Variants in EYA3 observed in about 807,000 individuals in gnomAD.
EYA3 encodes EYA transcriptional coactivator and phosphatase 3, also known as protein phosphatase EYA3.
Under a neutral mutation model 80.0 loss-of-function variants are expected in EYA3, and 39 were observed. The observed-to-expected ratio is 0.49, with a 90% CI of 0.38 to 0.64. The LOEUF (loss-of-function observed/expected upper bound fraction) is 0.64, where lower values mean the gene tolerates loss of function less well. EYA3 is among the 30% of genes least tolerant of loss of function. The pLI is 0.00. For missense variants in EYA3, 523 were observed against 676.1 expected (o/e 0.77, Z 2.51); for synonymous variants, 206 against 232.8 (o/e 0.88, Z 1.05).
intron 17 of EYA3, 49 bp downstream of exon 17, chr1:27,978,325 C>CCTAGAA (rs1437983914): frequency 7.4e-7 from 1 of 1,358,864 alleles, no homozygotes; most frequent in African/African-American, 1.4e-5. Flanking sequence ...CCATTTTTCT[C>CCTAGAA]ATTACTCGAT....
Position 28,000,699 on chromosome 1 carries a change from C to T in EYA3, c.994-650G>A, listed in dbSNP as rs145136146. Among the ~76,000 whole-genome samples the T allele has an allele frequency of 6.5e-3, 992 of 152,158 alleles. 9 individuals carry two copies. Among genetic ancestry groups the T allele is most frequent in the African/African-American group, 0.022 (912 of 41,518 alleles). On this transcript the variant is annotated intron_variant, in intron 11 of 17. Transcript: ENST00000373871. Reference sequence around the variant, plus strand: ...ATCTCAGCACTTTGGGAGGCTGAGGCGGGAAGATTGCTTAAGGCTAGGAAT... The same window carrying T: ...ATCTCAGCACTTTGGGAGGCTGAGGTGGGAAGATTGCTTAAGGCTAGGAAT...
At chr1:28,073,129 T>TA (rs1449412878) in intron 1 of EYA3, among the ~76,000 whole-genome samples, 4 of 27,192 alleles carry the variant, frequency 1.5e-4, no homozygotes, top group African/African-American at 5.8e-4. Context: ...ATATATATAT[T>TA]TTTTTTTTTT....
At chr1:28,037,931 T>C (rs1254652467) in intron 5 of EYA3, among the ~76,000 whole-genome samples, 1 of 152,220 alleles carries the variant, frequency 6.6e-6, no homozygotes, top group African/African-American at 2.4e-5. Flanking sequence ...TGCACTTGTA[T>C]GTGTCTTTGT....
chr1:28,005,717 A>G (rs1240238799), intron 10 of EYA3, among the ~76,000 whole-genome samples: 3 of 152,014 alleles, frequency 2.0e-5, no homozygotes, highest in Non-Finnish European at 4.4e-5. Context: ...CCTGTCTCAA[A>G]AAAAACCCAA....
intron 13 of EYA3, among the ~76,000 whole-genome samples, chr1:27,995,647 G>A (rs1244084455): frequency 6.6e-6 from 1 of 151,688 alleles, no homozygotes; most frequent in Non-Finnish European, 1.5e-5. Flanking sequence ...GGGGTGGGAG[G>A]ATTGCTTGAG....
chr1:28,046,299 T>C lies in EYA3; in HGVS notation c.77+2084A>G, dbSNP rs540806269. Among the ~76,000 whole-genome samples, 5 of 152,256 alleles carry C rather than the reference T, an allele frequency of 3.3e-5. No individual in the cohort carries two copies. In the South Asian group the frequency reaches 8.3e-4, roughly 25 times the overall value. ...AAATTGCTGAAGGTAAAAGAAGAGA[T>C]AATTGCAGGAAAAGATGAAGGTGAT... On this transcript the variant is annotated intron_variant, in intron 3 of 17. Transcript: ENST00000373871.
At chr1:28,011,872 C>T (rs980425555) in intron 9 of EYA3, among the ~76,000 whole-genome samples, 5 of 151,910 alleles carry the variant, frequency 3.3e-5, no homozygotes, top group African/African-American at 9.7e-5. Flanking sequence ...TTTACTAATG[C>T]GATAAAAACT....
intron 6 of EYA3, among the ~76,000 whole-genome samples, chr1:28,033,174 C>T (rs541227681): frequency 1.5e-3 from 235 of 152,190 alleles, no homozygotes; most frequent in African/African-American, 5.6e-3. Context: ...ACAGGCAGCA[C>T]TAAGATGACA....
At chr1:28,068,295 G>A (rs1173326461) in intron 1 of EYA3, among the ~76,000 whole-genome samples, 2 of 148,680 alleles carry the variant, frequency 1.3e-5, no homozygotes, top group African/African-American at 5.0e-5. Flanking sequence ...TCGCACCACC[G>A]CACTCCAGCC....
intron 5 of EYA3, among the ~76,000 whole-genome samples, chr1:28,038,346 G>A (rs1643567762): frequency 6.8e-6 from 1 of 147,810 alleles, no homozygotes; most frequent in Admixed American, 6.9e-5. Flanking sequence ...TGAGGCAGGA[G>A]AATCACTTGA....
At chr1:28,003,027 T>C (rs1168488543) in intron 11 of EYA3, among the ~76,000 whole-genome samples, 2 of 141,030 alleles carry the variant, frequency 1.4e-5, no homozygotes, top group Non-Finnish European at 3.0e-5. Flanking sequence ...GAGGCCGAGG[T>C]GGGCGGATCA....
chr1:27,983,280 C>T (rs1006128867), intron 16 of EYA3, among the ~76,000 whole-genome samples: 1 of 152,112 alleles, frequency 6.6e-6, no homozygotes, highest in African/African-American at 2.4e-5. Context: ...ATTTGCAGAC[C>T]CCTGCTCTAA....
intron 14 of EYA3, among the ~76,000 whole-genome samples, chr1:27,992,974 C>G (rs1012578304): frequency 6.6e-6 from 1 of 152,102 alleles, no homozygotes; most frequent in Non-Finnish European, 1.5e-5. Flanking sequence ...ATTGATACTA[C>G]CAACCTACAA....
chr1:27,980,997 C>T (rs1013325112), intron 16 of EYA3, among the ~76,000 whole-genome samples: 35 of 152,140 alleles, frequency 2.3e-4, no homozygotes, highest in African/African-American at 8.0e-4. Flanking sequence ...GGGCTATAAT[C>T]GTGCCACTGC....
At chr1:28,079,573 T>C (rs1463874204) in intron 1 of EYA3, among the ~76,000 whole-genome samples, 2 of 152,176 alleles carry the variant, frequency 1.3e-5, no homozygotes, top group African/African-American at 4.8e-5. Flanking sequence ...ATTCTAACGA[T>C]AGAAGCTCAG....
intron 8 of EYA3, among the ~76,000 whole-genome samples, chr1:28,016,576 T>C (rs1350662335): frequency 2.9e-5 from 4 of 140,076 alleles, no homozygotes; most frequent in African/African-American, 1.1e-4. Context: ...ATAACCAGAA[T>C]AGTAATGTTA....
chr1:28,079,762 G>A (rs1236354985), intron 1 of EYA3, among the ~76,000 whole-genome samples: 1 of 151,760 alleles, frequency 6.6e-6, no homozygotes, highest in South Asian at 2.1e-4. Flanking sequence ...CACGTACATT[G>A]CAGAGAAAAA....
chr1:28,088,236 G>A (rs1645743992), intron 1 of EYA3, among the ~76,000 whole-genome samples: 2 of 152,184 alleles, frequency 1.3e-5, no homozygotes, highest in Non-Finnish European at 2.9e-5. Flanking sequence ...GGCAGTGGCT[G>A]AGAGAAGCGC....
intron 1 of EYA3, among the ~76,000 whole-genome samples, chr1:28,087,578 G>A (rs1330259459): frequency 6.6e-6 from 1 of 152,132 alleles, no homozygotes; most frequent in African/African-American, 2.4e-5. Flanking sequence ...CATAAATCTG[G>A]GGCTAATGAT....
Sources: gnomAD v4.1 joint callset for allele counts (sites outside exome capture counted in the v4.1 genomes callset) on GRCh38, gnomAD v4.1.1 for gene constraint, MANE v1.5 for transcripts, NCBI Gene and HGNC (gene_info 2026-07-23, HGNC 2026-07-21) for gene names.